Variants in ACVR1B observed in about 807,000 individuals in gnomAD.
The protein encoded by ACVR1B is activin receptor type-1B.
ACVR1B carries 15 observed loss-of-function variants against 55.6 expected under a neutral mutation model. The observed-to-expected ratio is 0.27, with a 90% CI of 0.18 to 0.42. ACVR1B has a LOEUF of 0.42. Among genes scored for constraint, ACVR1B ranks in the 10% least tolerant of loss-of-function variants. The pLI, the probability that ACVR1B is intolerant of heterozygous loss-of-function variation, is 1.00. For synonymous variants in ACVR1B, 247 were observed against 254.6 expected, an observed-to-expected ratio of 0.97 and a Z score of 0.28; for missense variants, 359 against 670.1, an observed-to-expected ratio of 0.54 and a Z score of 5.13.
intron 1 of ACVR1B, among the ~76,000 whole-genome samples, chr12:51,959,374 A>G (rs1033536489): frequency 1.3e-5 from 2 of 152,254 alleles, no homozygotes; most frequent in Admixed American, 6.5e-5. Context: ...CAACAGCCAC[A>G]TGGCAAGGAA....
At chr12:51,959,336 A>G (rs1941472249) in intron 1 of ACVR1B, among the ~76,000 whole-genome samples, 1 of 152,276 alleles carries the variant, frequency 6.6e-6, no homozygotes, top group Non-Finnish European at 1.5e-5. Flanking sequence ...GGAAGCAAGC[A>G]GACGTCCATG....
chr12:51,981,094 T>C lies in ACVR1B; in HGVS notation c.706T>C (p.Phe236Leu). 1 of 1,614,166 alleles carries C rather than the reference T, an allele frequency of 6.2e-7. No homozygotes were observed. Residue 236 changes from phenylalanine (F) to leucine (L), a missense_variant, in exon 4 of 9, where the codon TTC becomes CTC. By Grantham distance (22) the Phe-to-Leu change is conservative (BLOSUM62 0). Transcript: ENST00000257963. ...WRGGDVAVKI[F>L]SSREERSWFR... ...GGGTGGTGATGTGGCTGTGAAAATATTCTCTTCTCGTGAAGAACGGTCTTG... is the reference window on the plus strand; with the variant it reads ...GGGTGGTGATGTGGCTGTGAAAATACTCTCTTCTCGTGAAGAACGGTCTTG...
chr12:51,968,614 A>C (rs540988810), intron 1 of ACVR1B, among the ~76,000 whole-genome samples: 1 of 152,312 alleles, frequency 6.6e-6, no homozygotes, highest in South Asian at 2.1e-4. Flanking sequence ...TCTATGGTAT[A>C]TGGTGGATGT....
At chr12:51,991,839 G>C in intron 7 of ACVR1B, 24 bp from the exon 8 acceptor site, 3 of 1,609,904 alleles carry the variant, frequency 1.9e-6, no homozygotes, top group South Asian at 1.1e-5. Flanking sequence ...TGATAACTCA[G>C]GTAGATACTT....
At chr12:51,991,758 A>AG (rs993834908) in intron 7 of ACVR1B, 105 bp from the exon 8 acceptor site, 1 of 1,225,972 alleles carries the variant, frequency 8.2e-7, no homozygotes. Flanking sequence ...AAGGAACCTT[A>AG]GGGGGTAGTG....
In ACVR1B at chr12:51,951,741, A is replaced by C; in HGVS notation, c.-3A>C. 1.6e-6 allele frequency: 2 copies of C among 1,254,160 alleles called. No homozygotes were observed. Among genetic ancestry groups the C allele is most frequent in the Non-Finnish European group, 2.0e-6 (2 of 989,610 alleles). 77.7% of individuals were successfully genotyped at this position (1,254,160 alleles called of 1,614,324 possible). ...GGCGGCGGCGGCGGCGGCGGTGGTT[A>C]CTATGGCGGAGTCGGCCGGAGCCTC... is the stretch of plus-strand genomic sequence containing the variant. On this transcript the variant is annotated 5_prime_UTR_variant, in exon 1 of 9. Transcript: ENST00000257963.
At position 51,972,980 on chromosome 12, in the gene ACVR1B, C is replaced by T. The variant is rs1046925211; in HGVS notation, c.92-2285C>T. The stretch of plus-strand genomic sequence containing the variant: ...CGCCTTATCACAAACCCACACGGCC[C>T]AGCCCCCAGTTCCGTTCTTCGTCCT... On this transcript the variant is annotated intron_variant, in intron 1 of 8. Coordinates refer to ENST00000257963, the MANE Select transcript of ACVR1B (RefSeq NM_004302.5). Among the ~76,000 whole-genome samples, 3 of 152,142 alleles carry T rather than the reference C, an allele frequency of 2.0e-5. 1 individual carries two copies. Among genetic ancestry groups the T allele is most frequent in the Non-Finnish European group, 1.5e-5 (1 of 68,018 alleles).
At chr12:51,965,192 T>C (rs919375185) in intron 1 of ACVR1B, among the ~76,000 whole-genome samples, 1 of 152,196 alleles carries the variant, frequency 6.6e-6, no homozygotes, top group African/African-American at 2.4e-5. Flanking sequence ...CCTGGAGGAA[T>C]ATACATCAAA....
At chr12:51,990,939 G>A (rs911912164) in intron 7 of ACVR1B, among the ~76,000 whole-genome samples, 4 of 152,120 alleles carry the variant, frequency 2.6e-5, no homozygotes, top group South Asian at 2.1e-4. Context: ...CTGGGGGTTC[G>A]GGGACACGTA....
At chr12:51,974,192 C>G (rs1941800516) in intron 1 of ACVR1B, among the ~76,000 whole-genome samples, 1 of 152,284 alleles carries the variant, frequency 6.6e-6, no homozygotes, top group East Asian at 1.9e-4. Context: ...GTGAGTGCTT[C>G]CTTCAGCACT....
At chr12:51,974,178 A>G (rs1181251658) in intron 1 of ACVR1B, among the ~76,000 whole-genome samples, 3 of 152,060 alleles carry the variant, frequency 2.0e-5, no homozygotes. Flanking sequence ...CCACCCGCCA[A>G]TGTGTGAGTG....
chr12:51,983,385 A>G (rs890469266), intron 4 of ACVR1B, among the ~76,000 whole-genome samples: 1 of 152,222 alleles, frequency 6.6e-6, no homozygotes, highest in Non-Finnish European at 1.5e-5. Context: ...TGGTCTATTC[A>G]TGCACTGAAA....
Position 51,994,994 on chromosome 12 carries a change from A to G in ACVR1B, c.*884A>G, listed in dbSNP as rs1942273867. 6.6e-6 allele frequency: 1 copy of G among 152,654 alleles called. No homozygotes were observed. Among genetic ancestry groups the G allele is most frequent in the South Asian group, 2.1e-4 (1 of 4,818 alleles). The allele number at this position is 152,654 out of a possible 1,614,324, so 9.5% of individuals were successfully genotyped here. The stretch of plus-strand genomic sequence containing the variant: ...TCCTCCATCTCAGACTGTGGAACCA[A>G]AGCTGGCCCAGTTGTCCATGACAAA... On this transcript the variant is annotated 3_prime_UTR_variant, in exon 9 of 9. Transcript: ENST00000257963. This position sits in a 1 kb window ranked among gnomAD's most constrained non-coding sequence, Gnocchi z 4.2.
At chr12:51,993,860 C>G in intron 8 of ACVR1B, 125 bp from the exon 9 acceptor site, 1 of 1,152,086 alleles carries the variant, frequency 8.7e-7, no homozygotes, top group African/African-American at 1.6e-5. Flanking sequence ...GGTCGGCCGC[C>G]GGGTGGATGT....
At chr12:51,970,413 C>T (rs987438115) in intron 1 of ACVR1B, among the ~76,000 whole-genome samples, 1 of 152,158 alleles carries the variant, frequency 6.6e-6, no homozygotes, top group Non-Finnish European at 1.5e-5. Context: ...TGCCTCAGCT[C>T]GTGAGTTCCT....
intron 1 of ACVR1B, among the ~76,000 whole-genome samples, chr12:51,970,284 C>T (rs753800767): frequency 1.3e-5 from 2 of 152,106 alleles, no homozygotes; most frequent in Non-Finnish European, 2.9e-5. Flanking sequence ...GGGAAAAGAT[C>T]GAACTTAGAC....
chr12:51,965,724 G>A (rs561092328), intron 1 of ACVR1B, among the ~76,000 whole-genome samples: 9 of 152,298 alleles, frequency 5.9e-5, no homozygotes, highest in African/African-American at 2.2e-4. Context: ...TGAGCTTGGA[G>A]AAGCCACAGA....
intron 7 of ACVR1B, among the ~76,000 whole-genome samples, chr12:51,991,358 G>T (rs1942188246): frequency 6.6e-6 from 1 of 151,790 alleles, no homozygotes; most frequent in African/African-American, 2.4e-5. Context: ...CCTTGCTTTG[G>T]CTATGAAAAA....
chr12:51,976,447 A>G lies in ACVR1B; in HGVS notation c.452A>G (p.Tyr151Cys). The G allele has an allele frequency of 2.5e-6, 4 of 1,614,058 alleles. No homozygotes were observed. The highest frequency in any genetic ancestry group is 2.5e-6 in the Non-Finnish European group (3 of 1,180,018). Residue 151 changes from tyrosine to cysteine, a missense_variant, in exon 3 of 9, where the codon TAT becomes TGT. This residue lies in a region of ACVR1B where 133 missense variants were observed against 188.2 expected (regional missense o/e 0.71). Coordinates refer to ENST00000257963, the MANE Select transcript of ACVR1B (RefSeq NM_004302.5). The part of the protein sequence containing the change: ...IIIIVFLVIN[Y>C]HQRVYHNRQR... ...ATCATTGTTTTCCTTGTCATTAACT[A>G]TCATCAGCGTGTCTATCACAACCGC...
Sources: allele counts gnomAD v4.1 joint callset (sites outside exome capture counted in the v4.1 genomes callset), GRCh38; gene constraint gnomAD v4.1.1; regional missense constraint gnomAD v4.1.1; non-coding constraint Gnocchi (gnomAD v3.1); transcripts MANE v1.5; gene names NCBI Gene and HGNC (gene_info 2026-07-23, HGNC 2026-07-21).